The following TENT5D variants were observed in gnomAD, a reference collection of about 807,000 sequenced individuals.
TENT5D encodes the protein terminal nucleotidyltransferase 5D.
For missense variants in TENT5D, 191 were observed against 287.0 expected (o/e 0.67, Z 2.42); for synonymous variants, 103 against 100.6 (o/e 1.02, Z -0.15).
intron 3 of TENT5D, among the ~76,000 whole-genome samples, chrX:80,358,620 T>C (rs963054248): frequency 5.3e-5 from 6 of 112,302 alleles, no homozygotes; most frequent in Non-Finnish European, 1.1e-4. Flanking sequence ...GTTTCTTATA[T>C]AATATCATCG....
intron 3 of TENT5D, among the ~76,000 whole-genome samples, chrX:80,378,087 G>T (rs1017110381): frequency 8.9e-6 from 1 of 111,813 alleles, no homozygotes; most frequent in Non-Finnish European, 1.9e-5. Flanking sequence ...GGGGTTGTTT[G>T]ATTTTGTCTT....
At chrX:80,432,736 G>A (rs1225315984) in intron 1 of TENT5D, among the ~76,000 whole-genome samples, 1 of 111,099 alleles carries the variant, frequency 9.0e-6, no homozygotes, top group Admixed American at 9.6e-5. Flanking sequence ...AAGGAGCGCA[G>A]AAACAAGGGT....
chrX:80,339,872 TAGAGAGAG>T (rs745730739), intron 2 of TENT5D, among the ~76,000 whole-genome samples: 4 of 103,913 alleles, frequency 3.8e-5, no homozygotes, highest in African/African-American at 1.4e-4. Context: ...TATATATATA[TAGAGAGAG>T]AGAGAGAGAG....
At chrX:80,401,139 G>A (rs769636809) in intron 3 of TENT5D, among the ~76,000 whole-genome samples, 111 of 111,131 alleles carry the variant, frequency 1.0e-3, no homozygotes, top group South Asian at 5.2e-3. Flanking sequence ...CACCTGTTTG[G>A]TTAAATTTAT....
chrX:80,443,721 G>T (rs764792757), exon 3 of TENT5D: 189 of 1,124,237 alleles, frequency 1.7e-4, no homozygotes, highest in Non-Finnish European at 2.1e-4. Flanking sequence ...AAATACACAT[G>T]CAACCATAGA....
intron 3 of TENT5D, among the ~76,000 whole-genome samples, chrX:80,357,722 A>C (rs1382179197): frequency 9.0e-6 from 1 of 111,319 alleles, no homozygotes; most frequent in African/African-American, 3.3e-5. Flanking sequence ...CAATATTGTC[A>C]AAATGACCAT....
chrX:80,383,834 C>T lies in TENT5D; in HGVS notation c.-142+41270C>T, dbSNP rs192674121. Among the ~76,000 whole-genome samples the T allele has an allele frequency of 7.6e-3, 835 of 109,855 alleles. 6 individuals carry two copies. The highest frequency in any genetic ancestry group is 0.024 in the African/African-American group (737 of 30,164). The stretch of plus-strand genomic sequence containing the variant: ...TTGTGCCACGGCACTCTAGCCTGGG[C>T]GACAGAGCGAGACTCCATCTCAAAA... On this transcript the variant is annotated intron_variant, in intron 3 of 4. Transcript: ENST00000538312.
At chrX:80,403,216 A>G (rs894520023) in intron 3 of TENT5D, among the ~76,000 whole-genome samples, 1 of 112,114 alleles carries the variant, frequency 8.9e-6, no homozygotes, top group Non-Finnish European at 1.9e-5. Context: ...ATGCACTCTT[A>G]TAAACAATCA....
chrX:80,402,316 G>T (rs995764160), intron 3 of TENT5D, among the ~76,000 whole-genome samples: 7 of 110,959 alleles, frequency 6.3e-5, no homozygotes, highest in African/African-American at 1.6e-4. Context: ...CTAGTTAAGG[G>T]TTTGCCAATT....
At chrX:80,351,222 A>G (rs1930170866) in intron 3 of TENT5D, among the ~76,000 whole-genome samples, 1 of 110,608 alleles carries the variant, frequency 9.0e-6, no homozygotes, top group African/African-American at 3.3e-5. Flanking sequence ...CTCCTAGTTA[A>G]TATCCTGAAG....
chrX:80,345,881 C>T (rs1930048854), intron 3 of TENT5D, among the ~76,000 whole-genome samples: 1 of 111,580 alleles, frequency 9.0e-6, no homozygotes, highest in Non-Finnish European at 1.9e-5. Flanking sequence ...GTCACTCTGG[C>T]TTTCACCATG....
chrX:80,422,040 A>G (rs1351669588), intron 1 of TENT5D, among the ~76,000 whole-genome samples: 1 of 111,559 alleles, frequency 9.0e-6, no homozygotes, highest in East Asian at 2.8e-4. Flanking sequence ...AGTTTTTGGT[A>G]TAGGAAAGGA....
chrX:80,380,521 C>T (rs1182327836), intron 3 of TENT5D, among the ~76,000 whole-genome samples: 2 of 110,624 alleles, frequency 1.8e-5, no homozygotes, highest in Non-Finnish European at 3.8e-5. Flanking sequence ...CCTTGTTAAC[C>T]TTCTGTCTCA....
At chrX:80,341,843 C>T (rs963818498) in intron 2 of TENT5D, among the ~76,000 whole-genome samples, 1 of 105,446 alleles carries the variant, frequency 9.5e-6, no homozygotes, top group Admixed American at 1.0e-4. Context: ...TCCCGAGTAG[C>T]TGGGACTACA....
At chrX:80,386,177 T>C (rs1930999043) in intron 3 of TENT5D, among the ~76,000 whole-genome samples, 1 of 112,421 alleles carries the variant, frequency 8.9e-6, no homozygotes, top group Non-Finnish European at 1.9e-5. Flanking sequence ...CCAACCCAAA[T>C]GTCCATCAAT....
chrX:80,338,926 C>T (rs1322244538), intron 2 of TENT5D, among the ~76,000 whole-genome samples: 2 of 112,006 alleles, frequency 1.8e-5, no homozygotes, highest in East Asian at 5.6e-4. Flanking sequence ...TTATACAAAT[C>T]ATTTATTGCA....
At chrX:80,396,742 A>C (rs1174037607) in intron 3 of TENT5D, among the ~76,000 whole-genome samples, 2 of 101,106 alleles carry the variant, frequency 2.0e-5, no homozygotes, top group African/African-American at 3.6e-5. Context: ...TTTCTATTCC[A>C]CAAAACCACC....
intron 3 of TENT5D, among the ~76,000 whole-genome samples, chrX:80,384,797 C>T (rs1930956392): frequency 1.9e-5 from 2 of 107,681 alleles, no homozygotes; most frequent in South Asian, 8.5e-4. Flanking sequence ...AAACAGAGAG[C>T]CAAATCATGA....
At chrX:80,341,799 C>T (rs1234307919) in intron 2 of TENT5D, among the ~76,000 whole-genome samples, 1 of 103,875 alleles carries the variant, frequency 9.6e-6, no homozygotes. Flanking sequence ...GCAAGCTCCG[C>T]CTCCCGGGTT....
Sources: gnomAD v4.1 joint callset for allele counts (sites outside exome capture counted in the v4.1 genomes callset) on GRCh38, gnomAD v4.1.1 for gene constraint, MANE v1.5 for transcripts, NCBI Gene and HGNC (gene_info 2026-07-23, HGNC 2026-07-21) for gene names.